The following TRNP1 variants were observed in gnomAD, a reference collection of about 807,000 sequenced individuals.
The protein encoded by TRNP1 is TMF1 regulated nuclear protein 1, also known as TMF-regulated nuclear protein 1.
Under a neutral mutation model 12.2 loss-of-function variants are expected in TRNP1, and 16 were observed. That is an observed-to-expected ratio of 1.31 (90% CI 0.89 to 1.99). The LOEUF (loss-of-function observed/expected upper bound fraction) is 1.99, where lower values mean the gene tolerates loss of function less well. TRNP1 is among the 30% of genes most tolerant of loss of function. The pLI is 0.00. For missense variants in TRNP1, 338 were observed against 330.4 expected, an observed-to-expected ratio of 1.02 and a Z score of -0.18; for synonymous variants, 139 against 166.2, an observed-to-expected ratio of 0.84 and a Z score of 1.26.
intron 1 of TRNP1, among the ~76,000 whole-genome samples, chr1:26,999,279 A>T (rs1456519189): frequency 2.0e-5 from 3 of 152,178 alleles, no homozygotes; most frequent in African/African-American, 7.2e-5. Context: ...AGCTACTCCG[A>T]AGGCTGAGAC....
chr1:26,993,695 GT>G lies in TRNP1; in HGVS notation c.-91del, dbSNP rs1444422622. On this transcript the variant is annotated 5_prime_UTR_variant, in exon 1 of 2. Coordinates refer to ENST00000522111, the MANE Select transcript of TRNP1 (RefSeq NM_001013642.3). The stretch of plus-strand genomic sequence containing the variant: ...CGCGGACGGCGGGCGCGCCTCTGGG[GT>G]GGGGGCTGTGGCCGTGTCTAGCTGT... 1.6e-6 allele frequency: 2 copies of G among 1,234,778 alleles called. No individual in the cohort carries two copies. Among genetic ancestry groups the G allele is most frequent in the African/African-American group, 3.2e-5 (2 of 63,160 alleles). 76.5% of individuals were successfully genotyped at this position (1,234,778 alleles called of 1,614,324 possible).
Position 26,993,781 on chromosome 1 carries a change from CG to C in TRNP1, c.-1del, listed in dbSNP as rs1342523940. The C allele has an allele frequency of 4.1e-6, 5 of 1,234,126 alleles. No homozygotes were observed. Among genetic ancestry groups the C allele is most frequent in the Non-Finnish European group, 5.0e-6 (5 of 997,436 alleles). The allele number at this position is 1,234,126 out of a possible 1,614,324, so 76.4% of individuals were successfully genotyped here. ...ACAGCCGCAGACCGCCGGTGGGGGGCGGGGGATGCCGGGCTGCCGCATCAGC... is the reference window on the plus strand; with the variant it reads ...ACAGCCGCAGACCGCCGGTGGGGGGCGGGGATGCCGGGCTGCCGCATCAGC... On this transcript the variant is annotated 5_prime_UTR_variant, in exon 1 of 2. Coordinates refer to ENST00000522111, the MANE Select transcript of TRNP1 (RefSeq NM_001013642.3).
chr1:26,999,680 A>G (rs932155071), intron 1 of TRNP1, among the ~76,000 whole-genome samples, 167 bp from the exon 2 acceptor site: 10 of 152,196 alleles, frequency 6.6e-5, no homozygotes, highest in African/African-American at 2.4e-4. Context: ...CAAAGGCCCA[A>G]GGGAACCTCT....
At chr1:26,995,760 A>G (rs1390722271) in intron 1 of TRNP1, among the ~76,000 whole-genome samples, 11 of 152,174 alleles carry the variant, frequency 7.2e-5, no homozygotes, top group Admixed American at 7.2e-4. Flanking sequence ...CCTCCCAAGT[A>G]GCTGGGATTA....
rs2082534343 is a variant in TRNP1 at position 26,994,359 on chromosome 1, G to A, written c.573G>A (p.Leu191=). The change falls in exon 1 of 2, where the codon CTG becomes CTA. Residue 191 remains leucine (L), a synonymous_variant. Coordinates refer to ENST00000522111, the MANE Select transcript of TRNP1 (RefSeq NM_001013642.3). This position sits in a 1 kb window ranked among gnomAD's most constrained non-coding sequence, Gnocchi z 6.9. ...CGCTGCTGGCCTCGGCGCTGGGCCT[G>A]GGCGGCTGCGTGCCCTGGGGTGCCG... The part of the protein sequence containing the change: ...PPALLASALG[L]GGCVPWGAGR... The A allele has an allele frequency of 8.3e-6, 9 of 1,087,340 alleles. No individual in the cohort carries two copies. In the South Asian group the frequency reaches 2.2e-4, roughly 26 times the overall value. The allele number at this position is 1,087,340 out of a possible 1,614,324, so 67.4% of individuals were successfully genotyped here. A position where few individuals can be genotyped will look rare whatever the true frequency, so the allele number is the denominator to read the frequency against.
rs2082538436 is a variant in TRNP1, at chr1:26,994,995, T to C, written c.*142+383T>C. On this transcript the variant is annotated intron_variant, in intron 1 of 1. Coordinates refer to ENST00000522111, the MANE Select transcript of TRNP1 (RefSeq NM_001013642.3). The surrounding 1 kb of genome is among the most constrained non-coding windows in gnomAD (Gnocchi z 6.9). ...CCTGGCGCCGCCCAGCTCCGTGCCT[T>C]CGGGAGGACAGAATAATGAGGCCCC... Among the ~76,000 whole-genome samples the C allele has an allele frequency of 6.6e-6, 1 of 152,146 alleles. No individual in the cohort carries two copies. The highest frequency in any genetic ancestry group is 1.5e-5 in the Non-Finnish European group (1 of 68,042).
At chr1:26,999,277 C>T (rs1447681645) in intron 1 of TRNP1, among the ~76,000 whole-genome samples, 4 of 152,110 alleles carry the variant, frequency 2.6e-5, no homozygotes, top group Admixed American at 6.5e-5. Flanking sequence ...CCAGCTACTC[C>T]GAAGGCTGAG....
In TRNP1 at chr1:26,994,087, C is replaced by A; in HGVS notation, c.301C>A (p.Leu101Met). Residue 101 changes from leucine to methionine, a missense_variant, in exon 1 of 2, where the codon CTG becomes ATG. Coordinates refer to ENST00000522111, the MANE Select transcript of TRNP1 (RefSeq NM_001013642.3). This position sits in a 1 kb window ranked among gnomAD's most constrained non-coding sequence, Gnocchi z 6.9. ...GGCTGCGGGGGCGGGGGGCCGCGCG[C>A]TGGAGCTGGCCGAAGCACGGCGGCG... is the stretch of plus-strand genomic sequence containing the variant. Reference protein sequence around the residue: ...GAAAGAGGRALELAEARRRLL... With the variant: ...GAAAGAGGRAMELAEARRRLL... 1 of 1,217,210 alleles carries A rather than the reference C, an allele frequency of 8.2e-7. No individual in the cohort carries two copies. The highest frequency in any genetic ancestry group is 1.0e-6 in the Non-Finnish European group (1 of 980,036). 75.4% of individuals were successfully genotyped at this position (1,217,210 alleles called of 1,614,324 possible). A position where few individuals can be genotyped will look rare whatever the true frequency, so the allele number is the denominator to read the frequency against.
At chr1:26,996,640 A>G (rs1311838145) in intron 1 of TRNP1, among the ~76,000 whole-genome samples, 3 of 152,046 alleles carry the variant, frequency 2.0e-5, no homozygotes, top group Non-Finnish European at 4.4e-5. Flanking sequence ...GTTGCATGGG[A>G]GGGGGCACTT....
chr1:26,993,841 G>A lies in TRNP1; in HGVS notation c.55G>A (p.Glu19Lys). 1 of 1,351,016 alleles carries A rather than the reference G, an allele frequency of 7.4e-7. No individual in the cohort carries two copies. The allele number at this position is 1,351,016 out of a possible 1,614,324, so 83.7% of individuals were successfully genotyped here. Residue 19 changes from glutamate (E) to lysine (K), a missense_variant, in exon 1 of 2, where the codon GAG becomes AAG. Physicochemically the swap from Glu to Lys is moderately conservative, Grantham distance 56. Transcript: ENST00000522111. ...CGPGAQEGTA[E>K]QRSPPPPWDP... Reference sequence around the variant, plus strand: ...CCCGGGGGCCCAGGAGGGGACGGCAGAGCAGAGGTCGCCGCCGCCGCCCTG... The same window carrying A: ...CCCGGGGGCCCAGGAGGGGACGGCAAAGCAGAGGTCGCCGCCGCCGCCCTG...
At position 26,994,222 on chromosome 1, in the gene TRNP1, G is replaced by T; in HGVS notation, c.436G>T (p.Glu146Ter). 7.9e-7 allele frequency: 1 copy of T among 1,272,552 alleles called. No homozygotes were observed. The highest frequency in any genetic ancestry group is 9.9e-7 in the Non-Finnish European group (1 of 1,005,668). The allele number at this position is 1,272,552 out of a possible 1,614,324, so 78.8% of individuals were successfully genotyped here. A position where few individuals can be genotyped will look rare whatever the true frequency, so the allele number is the denominator to read the frequency against. The stretch of plus-strand genomic sequence containing the variant: ...CGAGCTGCGCCTGGCGCACCGCGCG[G>T]AGAGCCTGAGCCGCCTGAGCGGCGG... ...AAELRLAHRA[E>*]SLSRLSGGVA... Residue 146 changes from glutamate to a stop codon, truncating the protein, a stop_gained, in exon 1 of 2, where the codon GAG becomes TAG. Coordinates refer to ENST00000522111, the MANE Select transcript of TRNP1 (RefSeq NM_001013642.3). LOFTEE classifies it high-confidence loss of function. This position sits in a 1 kb window ranked among gnomAD's most constrained non-coding sequence, Gnocchi z 6.9.
chr1:26,999,730 A>T (rs993070548), intron 1 of TRNP1, 117 bp from the exon 2 acceptor site: 4 of 152,244 alleles, frequency 2.6e-5, no homozygotes, highest in Admixed American at 2.0e-4. Flanking sequence ...TGCCTCCTGC[A>T]TCTTCTCTCC....
intron 1 of TRNP1, among the ~76,000 whole-genome samples, chr1:26,996,733 A>T (rs920644750): frequency 6.6e-6 from 1 of 152,098 alleles, no homozygotes; most frequent in Admixed American, 6.6e-5. Flanking sequence ...ATTTGTAATC[A>T]GCTTGTCCCG....
chr1:26,998,568 A>C (rs1426249259), intron 1 of TRNP1, among the ~76,000 whole-genome samples: 1 of 152,184 alleles, frequency 6.6e-6, no homozygotes, highest in African/African-American at 2.4e-5. Flanking sequence ...GCCTGCTGTC[A>C]TGAGAGCGGT....
chr1:26,998,132 C>T (rs921211348), intron 1 of TRNP1, among the ~76,000 whole-genome samples: 15 of 151,968 alleles, frequency 9.9e-5, no homozygotes, highest in Non-Finnish European at 1.8e-4. Flanking sequence ...ACCTGTACTC[C>T]CAACACTTTG....
In TRNP1 at chr1:26,999,997, AG is replaced by A. The variant is rs1299935656; in HGVS notation, c.*297del. 4 of 152,232 alleles carry A rather than the reference AG, an allele frequency of 2.6e-5. No individual in the cohort carries two copies. Among genetic ancestry groups the A allele is most frequent in the Admixed American group, 2.0e-4 (3 of 15,274 alleles). 9.4% of individuals were successfully genotyped at this position (152,232 alleles called of 1,614,324 possible). A position where few individuals can be genotyped will look rare whatever the true frequency, so the allele number is the denominator to read the frequency against. ...AGGAGCCTTTCACTTTACAGTGGCA[AG>A]GGGCTGGTTCTGGAGAACTGGCTGA... is the stretch of plus-strand genomic sequence containing the variant. On this transcript the variant is annotated 3_prime_UTR_variant, in exon 2 of 2. Transcript: ENST00000522111.
rs2082536450 is a variant in TRNP1 at position 26,994,654 on chromosome 1, C to T, written c.*142+42C>T. 3.3e-6 allele frequency: 1 copy of T among 301,978 alleles called. No homozygotes were observed. Among genetic ancestry groups the T allele is most frequent in the Non-Finnish European group, 5.3e-6 (1 of 188,642 alleles). 18.7% of individuals were successfully genotyped at this position (301,978 alleles called of 1,614,324 possible). A position where few individuals can be genotyped will look rare whatever the true frequency, so the allele number is the denominator to read the frequency against. Reference sequence around the variant, plus strand: ...TGGTGCGTTCGAGGGTCGGTCATGGCGTGTGGGGGGCTGGTCCAGGGCCCG... The same window carrying T: ...TGGTGCGTTCGAGGGTCGGTCATGGTGTGTGGGGGGCTGGTCCAGGGCCCG... On this transcript the variant is annotated intron_variant, in intron 1 of 1. Coordinates refer to ENST00000522111, the MANE Select transcript of TRNP1 (RefSeq NM_001013642.3). The surrounding 1 kb of genome is among the most constrained non-coding windows in gnomAD (Gnocchi z 6.9).
chr1:26,994,037 C>G lies in TRNP1; in HGVS notation c.251C>G (p.Ala84Gly), dbSNP rs867219764. ...RQGASGIAGL[A>G]GPGGGSGAAA... ...GGCGCTAGCGGGATCGCGGGGCTCG[C>G]CGGCCCCGGAGGGGGCTCTGGCGCG... Residue 84 changes from alanine to glycine, a missense_variant, in exon 1 of 2, where the codon GCC becomes GGC. Coordinates refer to ENST00000522111, the MANE Select transcript of TRNP1 (RefSeq NM_001013642.3). The surrounding 1 kb of genome is among the most constrained non-coding windows in gnomAD (Gnocchi z 6.9). 1 of 1,235,966 alleles carries G rather than the reference C, an allele frequency of 8.1e-7. No individual in the cohort carries two copies. Among genetic ancestry groups the G allele is most frequent in the African/African-American group, 1.6e-5 (1 of 63,976 alleles). The allele number at this position is 1,235,966 out of a possible 1,614,324, so 76.6% of individuals were successfully genotyped here. A position where few individuals can be genotyped will look rare whatever the true frequency, so the allele number is the denominator to read the frequency against.
rs1557698242 is a variant in TRNP1 at position 26,994,122 on chromosome 1, G to A, written c.336G>A (p.Glu112=). 6 of 1,230,980 alleles carry A rather than the reference G, an allele frequency of 4.9e-6. No homozygotes were observed. Among genetic ancestry groups the A allele is most frequent in the East Asian group, 3.4e-5 (1 of 29,304 alleles). 76.3% of individuals were successfully genotyped at this position (1,230,980 alleles called of 1,614,324 possible). ...ELAEARRRLL[E]VEGRRRLVSE... ...CCGAAGCACGGCGGCGGCTGCTGGA[G>A]GTGGAGGGCCGCCGGCGCCTGGTGT... The change falls in exon 1 of 2, where the codon GAG becomes GAA. Residue 112 remains glutamate (E), a synonymous_variant. Transcript: ENST00000522111. The surrounding 1 kb of genome is among the most constrained non-coding windows in gnomAD (Gnocchi z 6.9).
Sources: gnomAD v4.1 joint callset for allele counts (sites outside exome capture counted in the v4.1 genomes callset) on GRCh38, gnomAD v4.1.1 for gene constraint, Gnocchi (gnomAD v3.1) non-coding constraint, MANE v1.5 for transcripts, NCBI Gene and HGNC (gene_info 2026-07-23, HGNC 2026-07-21) for gene names.